The following PNPLA3 variants were observed in gnomAD, a reference collection of about 807,000 sequenced individuals.
PNPLA3 encodes 1-acylglycerol-3-phosphate O-acyltransferase PNPLA3.
In PNPLA3, 42 loss-of-function variants were observed where a neutral mutation model predicts 43.1. That is an observed-to-expected ratio of 0.97 (90% CI 0.76 to 1.26). PNPLA3 has a LOEUF of 1.26. Ranked by LOEUF, PNPLA3 falls within the 50% of genes most tolerant of loss-of-function variation. The pLI is 0.00. For missense variants in PNPLA3, 647 were observed against 621.4 expected, an observed-to-expected ratio of 1.04 and a Z score of -0.44; for synonymous variants, 272 against 253.6, an observed-to-expected ratio of 1.07 and a Z score of -0.69.
intron 7 of PNPLA3, among the ~76,000 whole-genome samples, chr22:43,941,212 T>C (rs2050028852): frequency 6.6e-6 from 1 of 151,194 alleles, no homozygotes; most frequent in Non-Finnish European, 1.5e-5. Flanking sequence ...CCATCTTTCG[T>C]TCTAGGCATA....
At chr22:43,933,167 T>C in intron 4 of PNPLA3, 80 bp downstream of exon 4, 2 of 1,314,184 alleles carry the variant, frequency 1.5e-6, no homozygotes, top group Non-Finnish European at 2.2e-6. Context: ...TACCAGTTAC[T>C]GTCTGCACAA....
intron 1 of PNPLA3, among the ~76,000 whole-genome samples, chr22:43,924,804 A>C (rs34229916): frequency 0.015 from 2,261 of 151,904 alleles, 64 homozygotes; most frequent in African/African-American, 0.05. Flanking sequence ...CCAGCCACCA[A>C]GCCCGGCTAA....
chr22:43,940,723 C>T (rs553805348), intron 7 of PNPLA3, among the ~76,000 whole-genome samples: 2 of 152,046 alleles, frequency 1.3e-5, no homozygotes, highest in South Asian at 4.2e-4. Flanking sequence ...GCAGAAGAAT[C>T]GCTTGAGCCT....
At chr22:43,932,829 T>G (rs1156253518) in intron 3 of PNPLA3, 49 bp from the exon 4 acceptor site, 2 of 1,568,316 alleles carry the variant, frequency 1.3e-6, no homozygotes, top group Non-Finnish European at 1.8e-6. Flanking sequence ...ACTTAAGCAC[T>G]AACCCAGAGC....
intron 3 of PNPLA3, among the ~76,000 whole-genome samples, chr22:43,932,593 A>G (rs2049968449): frequency 6.6e-6 from 1 of 152,238 alleles, no homozygotes; most frequent in African/African-American, 2.4e-5. Flanking sequence ...GGCCAACACA[A>G]CATGGACTCC....
chr22:43,938,457 C>A (rs2050010177), intron 6 of PNPLA3, among the ~76,000 whole-genome samples: 1 of 152,152 alleles, frequency 6.6e-6, no homozygotes, highest in African/African-American at 2.4e-5. Flanking sequence ...ATCTGCTCAG[C>A]TTCTGGGGAG....
At position 43,927,116 on chromosome 22, in the gene PNPLA3, T is replaced by TGG; in HGVS notation, c.372_373dup (p.Glu125GlyfsTer46). 1 of 1,614,204 alleles carries TGG rather than the reference T, an allele frequency of 6.2e-7. No individual in the cohort carries two copies. The highest frequency in any genetic ancestry group is 2.2e-5 in the East Asian group (1 of 44,888). On this transcript the variant is annotated frameshift_variant, in exon 2 of 9. Transcript: ENST00000216180. LOFTEE classifies it high-confidence loss of function. Reference sequence around the variant, plus strand: ...GCATCTCTCTTACCAGAGTGTCTGATGGGGAAAACGTTCTGGTGTCTGACT... The same window carrying TGG: ...GCATCTCTCTTACCAGAGTGTCTGATGGGGGGAAAACGTTCTGGTGTCTGACT...
intron 8 of PNPLA3, 44 bp from the exon 9 acceptor site, chr22:43,946,110 G>C (rs974540521): frequency 1.3e-6 from 2 of 1,576,852 alleles, no homozygotes; most frequent in African/African-American, 1.4e-5. Context: ...GCACACTGCA[G>C]CAGCGGGAAC....
intron 1 of PNPLA3, among the ~76,000 whole-genome samples, chr22:43,926,247 G>T (rs752316515): frequency 7.9e-5 from 12 of 152,180 alleles, no homozygotes; most frequent in Non-Finnish European, 1.3e-4. Context: ...GATCAGATTT[G>T]GGTCAGGACA....
In PNPLA3 at chr22:43,946,848, T is replaced by G. The variant is rs1247325495; in HGVS notation, c.*466T>G. Reference sequence around the variant, plus strand: ...TGCAGTTCGTCCCCAAGAACGACACTGCCTGTCAGGTGGTCTGCAAAGATG... The same window carrying G: ...TGCAGTTCGTCCCCAAGAACGACACGGCCTGTCAGGTGGTCTGCAAAGATG... On this transcript the variant is annotated 3_prime_UTR_variant, in exon 9 of 9. Coordinates refer to ENST00000216180, the MANE Select transcript of PNPLA3 (RefSeq NM_025225.3). The G allele has an allele frequency of 6.8e-6, 3 of 438,660 alleles. No homozygotes were observed. The highest frequency in any genetic ancestry group is 1.4e-5 in the Non-Finnish European group (3 of 221,742). 27.2% of individuals were successfully genotyped at this position (438,660 alleles called of 1,614,324 possible).
intron 6 of PNPLA3, 130 bp downstream of exon 6, chr22:43,937,402 T>C (rs1211684996): frequency 4.9e-6 from 4 of 820,666 alleles, no homozygotes; most frequent in Non-Finnish European, 7.8e-6. Flanking sequence ...AACATCTCCT[T>C]CCATGTGTAC....
At chr22:43,932,019 C>T (rs1359032565) in intron 3 of PNPLA3, among the ~76,000 whole-genome samples, 11 of 152,060 alleles carry the variant, frequency 7.2e-5, no homozygotes, top group African/African-American at 2.4e-4. Flanking sequence ...TGTGGAAGGG[C>T]GGGCTGGGGA....
intron 2 of PNPLA3, among the ~76,000 whole-genome samples, chr22:43,927,641 A>C (rs2049933225): frequency 1.8e-5 from 1 of 54,102 alleles, no homozygotes; most frequent in Non-Finnish European, 3.4e-5. Context: ...TCTTTTCTTC[A>C]CTTTTTATCT....
In PNPLA3 at chr22:43,941,778, A is replaced by G. The variant is rs192654403; in HGVS notation, c.1112+1653A>G. The stretch of plus-strand genomic sequence containing the variant: ...ACCTCAGTGGGTTGTCTGACAGTGG[A>G]GGGCACTTGATTAAAAAAAAAAAAA... On this transcript the variant is annotated intron_variant, in intron 7 of 8. Coordinates refer to ENST00000216180, the MANE Select transcript of PNPLA3 (RefSeq NM_025225.3). 4.6e-3 allele frequency among the ~76,000 whole-genome samples: 692 copies of G among 151,824 alleles called. 2 individuals carry two copies. The highest frequency in any genetic ancestry group is 0.016 in the African/African-American group (651 of 41,344).
At chr22:43,937,313 T>A in intron 6 of PNPLA3, 41 bp downstream of exon 6, 1 of 1,576,534 alleles carries the variant, frequency 6.3e-7, no homozygotes, top group Non-Finnish European at 8.7e-7. Context: ...CACCTTGTTT[T>A]CTTTCTTGTG....
intron 7 of PNPLA3, 61 bp from the exon 8 acceptor site, chr22:43,944,630 G>A: frequency 7.4e-7 from 1 of 1,344,044 alleles, no homozygotes; most frequent in East Asian, 2.3e-5. Flanking sequence ...ACAAAGGGTA[G>A]TGTTGTAAGC....
At chr22:43,946,067 G>GGCCGGCAAT (rs1268664193) in intron 8 of PNPLA3, 87 bp from the exon 9 acceptor site, 1 of 1,251,296 alleles carries the variant, frequency 8.0e-7, no homozygotes, top group Admixed American at 1.7e-5. Context: ...GCCCTCTACT[G>GGCCGGCAAT]GCCGGCAATG....
intron 4 of PNPLA3, among the ~76,000 whole-genome samples, chr22:43,933,760 C>T (rs1347388765): frequency 1.3e-5 from 2 of 152,158 alleles, no homozygotes; most frequent in Non-Finnish European, 1.5e-5. Context: ...TTTTAGTATG[C>T]CTTACCACTC....
At chr22:43,936,472 G>A (rs1211285201) in intron 5 of PNPLA3, among the ~76,000 whole-genome samples, 3 of 152,168 alleles carry the variant, frequency 2.0e-5, no homozygotes, top group Admixed American at 1.3e-4. Flanking sequence ...GCTGGTGGCT[G>A]AGTCCCAGCA....
Sources: gnomAD v4.1 joint callset for allele counts (sites outside exome capture counted in the v4.1 genomes callset) on GRCh38, gnomAD v4.1.1 for gene constraint, MANE v1.5 for transcripts, NCBI Gene and HGNC (gene_info 2026-07-23, HGNC 2026-07-21) for gene names.